The following CAMTA1 variants were observed in gnomAD, a reference collection of about 807,000 sequenced individuals.
CAMTA1 encodes the protein calmodulin-binding transcription activator 1.
CAMTA1 carries 27 observed loss-of-function variants against 170.9 expected under a neutral mutation model. The ratio of observed to expected loss-of-function variants is 0.16; its 90% confidence interval spans 0.12 to 0.22. The LOEUF (loss-of-function observed/expected upper bound fraction) is 0.22, where lower values mean the gene tolerates loss of function less well. Among genes scored for constraint, CAMTA1 ranks in the 10% least tolerant of loss-of-function variants. The pLI, the probability that CAMTA1 is intolerant of heterozygous loss-of-function variation, is 1.00. For missense variants in CAMTA1, 1,619 were observed against 2,217.2 expected (o/e 0.73, Z 5.42); for synonymous variants, 833 against 891.5 (o/e 0.93, Z 1.17).
chr1:7,642,522 C>A lies in CAMTA1; in HGVS notation c.664+1969C>A, dbSNP rs1376503699. Among the ~76,000 whole-genome samples the A allele has an allele frequency of 6.6e-6, 1 of 152,196 alleles. No individual in the cohort carries two copies. The highest frequency in any genetic ancestry group is 1.9e-4 in the East Asian group (1 of 5,196). On this transcript the variant is annotated intron_variant, in intron 7 of 22. Transcript: ENST00000303635. This position sits in a 1 kb window ranked among gnomAD's most constrained non-coding sequence, Gnocchi z 6.3. ...CTTCGTACTCAGTACATAGGGGGCA[C>A]CTCACTATGCAGGGCTGGCACCGGA... is the stretch of plus-strand genomic sequence containing the variant.
chr1:7,036,868 G>A (rs1703668747), intron 3 of CAMTA1, among the ~76,000 whole-genome samples: 1 of 152,238 alleles, frequency 6.6e-6, no homozygotes, highest in African/African-American at 2.4e-5. Flanking sequence ...CAGGTGCCCT[G>A]CTATTTGCAG....
intron 5 of CAMTA1, among the ~76,000 whole-genome samples, chr1:7,365,583 T>A (rs1447813115): frequency 6.6e-6 from 1 of 152,228 alleles, no homozygotes; most frequent in Non-Finnish European, 1.5e-5. Flanking sequence ...AGCGCAGCTC[T>A]GCAGAAGTAG....
chr1:7,143,184 G>A (rs933394801), intron 4 of CAMTA1, among the ~76,000 whole-genome samples: 30 of 152,176 alleles, frequency 2.0e-4, no homozygotes, highest in African/African-American at 5.3e-4. Flanking sequence ...GCAGCAAGGC[G>A]GGGTGGGCCG....
At chr1:6,885,152 C>T (rs1256192226) in intron 3 of CAMTA1, among the ~76,000 whole-genome samples, 1 of 152,174 alleles carries the variant, frequency 6.6e-6, no homozygotes, top group South Asian at 2.1e-4. Flanking sequence ...TACAGAGTCA[C>T]CCCTCACACA....
Position 6,942,967 on chromosome 1 carries a change from C to T in CAMTA1, c.234+117757C>T, listed in dbSNP as rs903844287. Among the ~76,000 whole-genome samples the T allele has an allele frequency of 2.0e-5, 3 of 152,340 alleles. No homozygotes were observed. The East Asian group carries it at 5.8e-4, about 29-fold the overall frequency. The stretch of plus-strand genomic sequence containing the variant: ...AAGGTGCCACAGGGCAGAACGAGAA[C>T]ACGAATGCAGAGGCCCCGGCTCCAG... On this transcript the variant is annotated intron_variant, in intron 3 of 22. Transcript: ENST00000303635.
chr1:6,897,718 G>A (rs968403092), intron 3 of CAMTA1, among the ~76,000 whole-genome samples: 2 of 152,176 alleles, frequency 1.3e-5, no homozygotes, highest in African/African-American at 4.8e-5. Context: ...TTATTTGTTT[G>A]AAAATGAAAC....
At chr1:7,407,702 G>A (rs754061338) in intron 5 of CAMTA1, among the ~76,000 whole-genome samples, 4 of 152,084 alleles carry the variant, frequency 2.6e-5, no homozygotes, top group Non-Finnish European at 5.9e-5. Flanking sequence ...GGGGATGCCC[G>A]TGCCAGCCTG....
chr1:6,785,486 G>A lies in CAMTA1; in HGVS notation c.-45G>A, dbSNP rs1004750068. The A allele has an allele frequency of 7.9e-6, 8 of 1,018,556 alleles. No homozygotes were observed. The African/African-American group carries it at 1.4e-4, about 18-fold the overall frequency. 63.1% of individuals were successfully genotyped at this position (1,018,556 alleles called of 1,614,324 possible). A position where few individuals can be genotyped will look rare whatever the true frequency, so the allele number is the denominator to read the frequency against. Reference sequence around the variant, plus strand: ...GGGTGGCTGGGCCGGCGGCGGCGGCGGTACGAGGCGCGCGCTCGGGGTCCC... The same window carrying A: ...GGGTGGCTGGGCCGGCGGCGGCGGCAGTACGAGGCGCGCGCTCGGGGTCCC... On this transcript the variant is annotated 5_prime_UTR_variant, in exon 1 of 23. Transcript: ENST00000303635.
rs2095330074 is a variant in CAMTA1 at position 7,588,543 on chromosome 1, C to G, written c.511-51857C>G. Among the ~76,000 whole-genome samples the G allele has an allele frequency of 6.6e-6, 1 of 152,220 alleles. No individual in the cohort carries two copies. The highest frequency in any genetic ancestry group is 2.4e-5 in the African/African-American group (1 of 41,460). On this transcript the variant is annotated intron_variant, in intron 6 of 22. Transcript: ENST00000303635. The surrounding 1 kb of genome is among the most constrained non-coding windows in gnomAD (Gnocchi z 5.8). ...GTGTGCCCAAGGCCACGAAGTGGAG[C>G]CCAGGTCTTGCAGACTCCAGACCTT...
At chr1:6,969,023 C>T (rs1036931521) in intron 3 of CAMTA1, among the ~76,000 whole-genome samples, 1 of 152,054 alleles carries the variant, frequency 6.6e-6, no homozygotes, top group Non-Finnish European at 1.5e-5. Flanking sequence ...TTGACTTTAT[C>T]GGGACAGAGA....
rs181291572 is a variant in CAMTA1 at position 7,437,241 on chromosome 1, C to A, written c.439-30589C>A. 2.4e-3 allele frequency among the ~76,000 whole-genome samples: 368 copies of A among 152,304 alleles called. 1 individual carries two copies. Among genetic ancestry groups the A allele is most frequent in the African/African-American group, 8.4e-3 (350 of 41,564 alleles). ...CCTCCAGGCCTGGAAAGCGGATCAT[C>A]CTCCTAAGGGGACAGATGAGCCTAA... On this transcript the variant is annotated intron_variant, in intron 5 of 22. Transcript: ENST00000303635.
intron 5 of CAMTA1, among the ~76,000 whole-genome samples, chr1:7,288,868 A>C (rs1001867788): frequency 1.3e-5 from 2 of 152,188 alleles, no homozygotes; most frequent in Admixed American, 1.3e-4. Context: ...GGATGAGTCT[A>C]TTAGTCTGTT....
At position 7,642,771 on chromosome 1, in the gene CAMTA1, C is replaced by T. The variant is rs1558044577; in HGVS notation, c.664+2218C>T. Among the ~76,000 whole-genome samples the T allele has an allele frequency of 6.6e-6, 1 of 152,136 alleles. No individual in the cohort carries two copies. Among genetic ancestry groups the T allele is most frequent in the Non-Finnish European group, 1.5e-5 (1 of 68,016 alleles). The stretch of plus-strand genomic sequence containing the variant: ...GACCAATGCCCCACCCTCTCTGCAC[C>T]CCAGTACCCCTTCTATAAAGGGGTA... On this transcript the variant is annotated intron_variant, in intron 7 of 22. Transcript: ENST00000303635. The surrounding 1 kb of genome is among the most constrained non-coding windows in gnomAD (Gnocchi z 6.3).
chr1:7,543,435 C>T (rs904129621), intron 6 of CAMTA1, among the ~76,000 whole-genome samples: 1 of 152,160 alleles, frequency 6.6e-6, no homozygotes, highest in Non-Finnish European at 1.5e-5. Flanking sequence ...CATGAAATAT[C>T]TCGCTTTTAT....
chr1:6,896,101 C>T (rs1020308838), intron 3 of CAMTA1, among the ~76,000 whole-genome samples: 4 of 152,150 alleles, frequency 2.6e-5, no homozygotes, highest in Admixed American at 2.0e-4. Flanking sequence ...AGAAGCTGCT[C>T]CTCAAATTCT....
At chr1:7,008,887 T>C (rs1699389595) in intron 3 of CAMTA1, among the ~76,000 whole-genome samples, 2 of 152,222 alleles carry the variant, frequency 1.3e-5, no homozygotes, top group Admixed American at 1.3e-4. Context: ...TAAGGATAAA[T>C]GTTATGGTTT....
At chr1:7,500,535 C>T (rs114249741) in intron 6 of CAMTA1, among the ~76,000 whole-genome samples, 1,997 of 152,230 alleles carry the variant, frequency 0.013, 51 homozygotes, top group African/African-American at 0.045. Context: ...GCTACTGCGC[C>T]CACTCTGTGC....
At chr1:6,833,779 G>C (rs1651581111) in intron 3 of CAMTA1, among the ~76,000 whole-genome samples, 1 of 152,214 alleles carries the variant, frequency 6.6e-6, no homozygotes, top group African/African-American at 2.4e-5. Flanking sequence ...CAATGAGTTT[G>C]TGTGTTAGAA....
intron 1 of CAMTA1, among the ~76,000 whole-genome samples, chr1:6,812,582 T>C (rs545117035): frequency 6.6e-6 from 1 of 152,322 alleles, no homozygotes; most frequent in South Asian, 2.1e-4. Flanking sequence ...TCTAGTTGAA[T>C]CTATTTGTAC....
Sources: gnomAD v4.1 joint callset for allele counts (sites outside exome capture counted in the v4.1 genomes callset) on GRCh38, gnomAD v4.1.1 for gene constraint, Gnocchi (gnomAD v3.1) non-coding constraint, MANE v1.5 for transcripts, NCBI Gene and HGNC (gene_info 2026-07-23, HGNC 2026-07-21) for gene names.